Variants in STXBP5L observed in about 807,000 individuals in gnomAD.
STXBP5L encodes the protein syntaxin binding protein 5L.
Under a neutral mutation model 144.5 loss-of-function variants are expected in STXBP5L, and 65 were observed. The ratio of observed to expected loss-of-function variants is 0.45; its 90% confidence interval spans 0.37 to 0.55. The LOEUF is 0.55. Among genes scored for constraint, STXBP5L ranks in the 20% least tolerant of loss-of-function variants. STXBP5L has a pLI of 0.00. For synonymous variants in STXBP5L, 505 were observed against 469.6 expected, an observed-to-expected ratio of 1.08 and a Z score of -0.97; for missense variants, 1,298 against 1,405.5, an observed-to-expected ratio of 0.92 and a Z score of 1.22.
chr3:121,244,924 A>G (rs2049795411), intron 14 of STXBP5L, among the ~76,000 whole-genome samples: 1 of 152,190 alleles, frequency 6.6e-6, no homozygotes, highest in Admixed American at 6.5e-5. Flanking sequence ...GTCTTACATG[A>G]ATTGCTGAGA....
chr3:120,983,112 G>A (rs1454855934), intron 3 of STXBP5L, among the ~76,000 whole-genome samples: 1 of 152,164 alleles, frequency 6.6e-6, no homozygotes, highest in Non-Finnish European at 1.5e-5. Context: ...ATCTGTCCTT[G>A]AGGCATATGA....
chr3:121,160,876 G>T (rs749832438), intron 9 of STXBP5L, among the ~76,000 whole-genome samples: 3 of 151,628 alleles, frequency 2.0e-5, no homozygotes, highest in Non-Finnish European at 4.4e-5. Flanking sequence ...TTTATTGGTT[G>T]CTCCAGGGAT....
At chr3:121,393,150 G>C (rs1315525066) in intron 22 of STXBP5L, among the ~76,000 whole-genome samples, 1 of 148,768 alleles carries the variant, frequency 6.7e-6, no homozygotes, top group East Asian at 2.0e-4. Flanking sequence ...ATCTTATTAT[G>C]GTTTTAATTT....
At chr3:121,191,052 C>T (rs1213185375) in intron 9 of STXBP5L, among the ~76,000 whole-genome samples, 2 of 151,408 alleles carry the variant, frequency 1.3e-5, no homozygotes. Context: ...CCTCACTTCC[C>T]AGACTGGGTG....
intron 10 of STXBP5L, among the ~76,000 whole-genome samples, chr3:121,220,193 T>C (rs2048931691): frequency 6.6e-6 from 1 of 152,150 alleles, no homozygotes; most frequent in South Asian, 2.1e-4. Flanking sequence ...GTTTTGCCTT[T>C]TGGAGACTGT....
chr3:120,960,126 A>G (rs1247759777), intron 3 of STXBP5L, among the ~76,000 whole-genome samples: 1 of 152,252 alleles, frequency 6.6e-6, no homozygotes, highest in Non-Finnish European at 1.5e-5. Context: ...TCAAAAGAAG[A>G]CATTTATGCA....
At chr3:121,126,435 CT>C (rs1337420289) in intron 7 of STXBP5L, among the ~76,000 whole-genome samples, 5 of 152,092 alleles carry the variant, frequency 3.3e-5, no homozygotes, top group African/African-American at 1.2e-4. Context: ...AGGTTGTCTC[CT>C]GTCTAAAATA....
intron 3 of STXBP5L, among the ~76,000 whole-genome samples, chr3:121,039,786 C>G (rs1947019265): frequency 6.6e-6 from 1 of 151,884 alleles, no homozygotes; most frequent in African/African-American, 2.4e-5. Context: ...CTAATTAGGC[C>G]ATTTGACATT....
chr3:121,047,310 A>G (rs1479774091), intron 5 of STXBP5L, among the ~76,000 whole-genome samples: 1 of 152,134 alleles, frequency 6.6e-6, no homozygotes, highest in Non-Finnish European at 1.5e-5. Flanking sequence ...TGTACAGATA[A>G]GAAGATGGTA....
intron 19 of STXBP5L, among the ~76,000 whole-genome samples, chr3:121,298,701 A>G (rs2051761709): frequency 6.6e-6 from 1 of 152,218 alleles, no homozygotes; most frequent in Admixed American, 6.5e-5. Flanking sequence ...GTGTATATCT[A>G]AAATAGTCAA....
At chr3:121,036,330 T>A (rs1688675) in intron 3 of STXBP5L, among the ~76,000 whole-genome samples, 38,269 of 152,008 alleles carry the variant, frequency 0.25, 4,984 homozygotes, top group African/African-American at 0.28. Context: ...TGAGACTCCA[T>A]CTTAAAAAAA....
At chr3:121,075,141 T>A (rs1343265757) in intron 5 of STXBP5L, among the ~76,000 whole-genome samples, 1 of 152,152 alleles carries the variant, frequency 6.6e-6, no homozygotes, top group East Asian at 1.9e-4. Flanking sequence ...CATATCTGAC[T>A]TCTGAACCCC....
At chr3:121,190,074 AT>A (rs975699721) in intron 9 of STXBP5L, among the ~76,000 whole-genome samples, 6 of 151,088 alleles carry the variant, frequency 4.0e-5, no homozygotes, top group African/African-American at 1.5e-4. Flanking sequence ...TTTTTTTAGT[AT>A]TTATTGATCA....
At chr3:121,108,859 G>C (rs569591915) in intron 5 of STXBP5L, among the ~76,000 whole-genome samples, 9 of 152,000 alleles carry the variant, frequency 5.9e-5, no homozygotes, top group African/African-American at 2.2e-4. Context: ...TTTTTTGGTT[G>C]GTAGGCTATT....
At chr3:121,066,149 C>A (rs143412699) in intron 5 of STXBP5L, among the ~76,000 whole-genome samples, 1 of 152,130 alleles carries the variant, frequency 6.6e-6, no homozygotes, top group South Asian at 2.1e-4. Flanking sequence ...TGAGGTGGGA[C>A]TCATGGAAAC....
At chr3:121,038,448 G>T (rs1490989131) in intron 3 of STXBP5L, among the ~76,000 whole-genome samples, 1 of 151,656 alleles carries the variant, frequency 6.6e-6, no homozygotes, top group Non-Finnish European at 1.5e-5. Context: ...ATTCAATTGT[G>T]GTCAGAAACT....
intron 5 of STXBP5L, among the ~76,000 whole-genome samples, chr3:121,083,288 T>G (rs1422038101): frequency 1.3e-5 from 2 of 152,228 alleles, no homozygotes; most frequent in African/African-American, 4.8e-5. Flanking sequence ...TTACTGAATT[T>G]ATCTGGTTTG....
intron 19 of STXBP5L, among the ~76,000 whole-genome samples, chr3:121,313,072 G>T (rs1325016956): frequency 6.7e-6 from 1 of 149,226 alleles, no homozygotes; most frequent in Non-Finnish European, 1.5e-5. Flanking sequence ...CGGATGGGGC[G>T]GCTGGCCGGG....
At chr3:120,974,120 A>G (rs915017237) in intron 3 of STXBP5L, among the ~76,000 whole-genome samples, 17 of 152,090 alleles carry the variant, frequency 1.1e-4, no homozygotes, top group Non-Finnish European at 1.9e-4. Context: ...TCACCACACT[A>G]ACTTCCACAA....
Sources: gnomAD v4.1 joint callset for allele counts (sites outside exome capture counted in the v4.1 genomes callset) on GRCh38, gnomAD v4.1.1 for gene constraint, MANE v1.5 for transcripts, NCBI Gene and HGNC (gene_info 2026-07-23, HGNC 2026-07-21) for gene names.